Variants in HIP1 observed in about 807,000 individuals in gnomAD.
HIP1 encodes the protein huntingtin interacting protein 1, also known as huntingtin-interacting protein 1.
A neutral mutation model predicts 147.6 loss-of-function variants in HIP1; 65 were observed. The observed-to-expected ratio is 0.44, with a 90% CI of 0.36 to 0.54. The LOEUF (loss-of-function observed/expected upper bound fraction) is 0.54. HIP1 is among the 20% of genes least tolerant of loss of function. HIP1 has a pLI of 0.00. For missense variants in HIP1, 1,061 were observed against 1,299.6 expected, an observed-to-expected ratio of 0.82 and a Z score of 2.82; for synonymous variants, 479 against 504.0, an observed-to-expected ratio of 0.95 and a Z score of 0.67.
At chr7:75,661,043 C>T (rs1554513514) in intron 1 of HIP1, among the ~76,000 whole-genome samples, 1 of 152,052 alleles carries the variant, frequency 6.6e-6, no homozygotes, top group East Asian at 1.9e-4. Flanking sequence ...CTTTGGAAGG[C>T]CGAGGCGGGA....
chr7:75,602,303 CTTTTTT>C (rs67019261), intron 1 of HIP1, among the ~76,000 whole-genome samples: 251 of 77,240 alleles, frequency 3.2e-3, no homozygotes, highest in African/African-American at 0.013. Context: ...ACCTGGCCAG[CTTTTTT>C]TTTTTTTTTT....
At chr7:75,656,678 T>C (rs1159584690) in intron 1 of HIP1, among the ~76,000 whole-genome samples, 1 of 152,088 alleles carries the variant, frequency 6.6e-6, no homozygotes, top group African/African-American at 2.4e-5. Flanking sequence ...GGTTTCTCCA[T>C]GTTGGTCAGG....
intron 8 of HIP1, among the ~76,000 whole-genome samples, chr7:75,572,749 T>G (rs587681635): frequency 1.1e-4 from 17 of 152,280 alleles, no homozygotes; most frequent in African/African-American, 3.6e-4. Context: ...GAACCCTACC[T>G]TCCCAGGTGC....
chr7:75,568,091 C>A lies in HIP1; in HGVS notation c.803+108G>T. The A allele has an allele frequency of 2.5e-6, 2 of 809,724 alleles. No individual in the cohort carries two copies. 50.2% of individuals were successfully genotyped at this position (809,724 alleles called of 1,614,324 possible). ...TCAGCCTCCCAAAGAGTTGGGGTTA[C>A]AGGCATGAACCACTGTGTCCAGCCA... On this transcript the variant is annotated intron_variant, in intron 9 of 30. Coordinates refer to ENST00000336926, the MANE Select transcript of HIP1 (RefSeq NM_005338.7). This position sits in a 1 kb window ranked among gnomAD's most constrained non-coding sequence, Gnocchi z 4.1.
chr7:75,608,630 C>G (rs587645624), intron 1 of HIP1, among the ~76,000 whole-genome samples: 14 of 152,244 alleles, frequency 9.2e-5, no homozygotes, highest in African/African-American at 3.1e-4. Context: ...AGGAAAAACT[C>G]CAGAGGCTTG....
intron 1 of HIP1, among the ~76,000 whole-genome samples, chr7:75,672,066 A>G (rs1799744244): frequency 6.6e-6 from 1 of 152,126 alleles, no homozygotes; most frequent in South Asian, 2.1e-4. Context: ...TAGCCATCCT[A>G]ACAGATGTGA....
intron 1 of HIP1, among the ~76,000 whole-genome samples, chr7:75,693,600 C>T (rs1281124720): frequency 1.3e-5 from 2 of 152,070 alleles, no homozygotes; most frequent in East Asian, 1.9e-4. Context: ...TTCTGGCCAG[C>T]GCGGTTGCTC....
intron 1 of HIP1, among the ~76,000 whole-genome samples, chr7:75,624,090 C>A (rs1286202499): frequency 6.6e-6 from 1 of 152,102 alleles, no homozygotes; most frequent in South Asian, 2.1e-4. Flanking sequence ...AAGAAACACA[C>A]GCACACCTCC....
At chr7:75,595,251 T>C (rs4730992) in intron 2 of HIP1, among the ~76,000 whole-genome samples, 9,709 of 56,338 alleles carry the variant, frequency 0.17, 1,090 homozygotes, top group African/African-American at 0.4. Context: ...TTTCTTTCTT[T>C]CTTCCTTCCT....
intron 1 of HIP1, among the ~76,000 whole-genome samples, chr7:75,664,311 T>A (rs1201827783): frequency 5.4e-5 from 7 of 128,910 alleles, no homozygotes; most frequent in Admixed American, 5.3e-4. Flanking sequence ...TATGTATGTA[T>A]ATGTATACAT....
At chr7:75,633,009 G>A (rs1798285946) in intron 1 of HIP1, among the ~76,000 whole-genome samples, 1 of 152,140 alleles carries the variant, frequency 6.6e-6, no homozygotes, top group Admixed American at 6.6e-5. Context: ...TCTGTCAGAG[G>A]GTGGGGAGGG....
intron 1 of HIP1, among the ~76,000 whole-genome samples, chr7:75,657,252 T>C (rs1405109368): frequency 6.6e-6 from 1 of 152,022 alleles, no homozygotes; most frequent in South Asian, 2.1e-4. Flanking sequence ...CAATATCAGC[T>C]GGGCATGGTG....
chr7:75,665,888 G>C (rs1799544465), intron 1 of HIP1, among the ~76,000 whole-genome samples: 1 of 152,090 alleles, frequency 6.6e-6, no homozygotes, highest in African/African-American at 2.4e-5. Flanking sequence ...TTGTAGGTTT[G>C]TGGTATGCTT....
intron 1 of HIP1, among the ~76,000 whole-genome samples, chr7:75,621,073 A>G (rs1797830067): frequency 1.3e-5 from 2 of 152,118 alleles, no homozygotes; most frequent in Non-Finnish European, 2.9e-5. Flanking sequence ...CTACAAAAAA[A>G]TTTAAAATGA....
chr7:75,640,756 AATAAT>A (rs1563264064), intron 1 of HIP1, among the ~76,000 whole-genome samples: 105 of 121,402 alleles, frequency 8.6e-4, no homozygotes, highest in East Asian at 6.9e-3. Flanking sequence ...CCATCTCAAT[AATAAT>A]AATAATAATA....
chr7:75,538,948 A>G (rs1794193252), intron 30 of HIP1, among the ~76,000 whole-genome samples: 1 of 151,722 alleles, frequency 6.6e-6, no homozygotes. Context: ...CTTGTAATTC[A>G]CTTGTCCCTG....
rs906046682 is a variant in HIP1 at position 75,729,692 on chromosome 7, A to G, written c.120+9109T>C. ...TCCCAGCTACTCAGGAGGCTGAGGC[A>G]GGAGAATAGCTTGAACCCAGGAGGC... On this transcript the variant is annotated intron_variant, in intron 1 of 30. Coordinates refer to ENST00000336926, the MANE Select transcript of HIP1 (RefSeq NM_005338.7). Among the ~76,000 whole-genome samples, 5 of 152,104 alleles carry G rather than the reference A, an allele frequency of 3.3e-5. No individual in the cohort carries two copies. The East Asian group carries it at 9.6e-4, about 29-fold the overall frequency.
At chr7:75,643,140 T>C (rs1554510698) in intron 1 of HIP1, among the ~76,000 whole-genome samples, 2 of 152,198 alleles carry the variant, frequency 1.3e-5, no homozygotes, top group Non-Finnish European at 2.9e-5. Flanking sequence ...TGCCAGACTC[T>C]GGCAAGGCTT....
At chr7:75,573,326 C>T (rs1355918706) in intron 8 of HIP1, among the ~76,000 whole-genome samples, 8 of 152,298 alleles carry the variant, frequency 5.3e-5, no homozygotes, top group East Asian at 3.9e-4. Context: ...GCTGAACACT[C>T]GACAGGACAA....
Sources: gnomAD v4.1 joint callset for allele counts (sites outside exome capture counted in the v4.1 genomes callset) on GRCh38, gnomAD v4.1.1 for gene constraint, Gnocchi (gnomAD v3.1) non-coding constraint, MANE v1.5 for transcripts, NCBI Gene and HGNC (gene_info 2026-07-23, HGNC 2026-07-21) for gene names.